NGLY1: variants seen among roughly 807,000 people sequenced by gnomAD.
NGLY1 encodes the protein peptide-N(4)-(N-acetyl-beta-glucosaminyl)asparagine amidase.
Under a neutral mutation model 84.6 loss-of-function variants are expected in NGLY1, and 68 were observed. The ratio of observed to expected loss-of-function variants is 0.80; its 90% confidence interval spans 0.66 to 0.98. NGLY1 has a LOEUF of 0.98. Among genes scored for constraint, NGLY1 ranks in the 50% least tolerant of loss-of-function variants. The pLI, the probability that NGLY1 is intolerant of heterozygous loss-of-function variation, is 0.00. For synonymous variants in NGLY1, 280 were observed against 275.2 expected, an observed-to-expected ratio of 1.02 and a Z score of -0.17; for missense variants, 779 against 770.2, an observed-to-expected ratio of 1.01 and a Z score of -0.14.
rs757885829 is a variant in NGLY1, at chr3:25,736,044, C to T, written c.1109G>A (p.Gly370Asp). The T allele has an allele frequency of 4.3e-6, 7 of 1,613,772 alleles. No individual in the cohort carries two copies. Among genetic ancestry groups the T allele is most frequent in the East Asian group, 2.2e-5 (1 of 44,878 alleles). Residue 370 changes from glycine to aspartate, a missense_variant, in exon 7 of 12, where the codon GGC (glycine) becomes GAC (aspartate). By Grantham distance (94) the Gly-to-Asp change is moderately conservative (BLOSUM62 -1). Transcript: ENST00000280700. ...TGCTATGACATAGGAAAGCTTCTTGCCCCATCCTATTTCATAAAGGAGTGG... is the reference window on the plus strand; with the variant it reads ...TGCTATGACATAGGAAAGCTTCTTGTCCCATCCTATTTCATAAAGGAGTGG... ...DKPLLYEIGWGKKLSYVIAFS... is the reference protein window; with the variant it reads ...DKPLLYEIGWDKKLSYVIAFS...
chr3:25,778,925 C>CTTTTTTTTTTT (rs565447910), intron 1 of NGLY1, among the ~76,000 whole-genome samples: 3 of 54,664 alleles, frequency 5.5e-5, no homozygotes, highest in African/African-American at 1.8e-4. Context: ...AAGATACATT[C>CTTTTTTTTTTT]TTTTTTTTTT....
chr3:25,720,472 C>G (rs1704928987), intron 10 of NGLY1, among the ~76,000 whole-genome samples: 1 of 152,132 alleles, frequency 6.6e-6, no homozygotes, highest in Non-Finnish European at 1.5e-5. Flanking sequence ...GGTAAATCAT[C>G]TTCTTTTATA....
Position 25,719,532 on chromosome 3 carries a change from C to G in NGLY1, c.1893G>C (p.Gln631His). 6.2e-7 allele frequency: 1 copy of G among 1,614,032 alleles called. No homozygotes were observed. Among genetic ancestry groups the G allele is most frequent in the South Asian group, 1.1e-5 (1 of 91,078 alleles). ...GDGDVAWQHT[Q>H]LFRQSLNDHE... Reference sequence around the variant, plus strand: ...GGTCATTTAAGCTTTGTCTAAACAGCTGGGTGTGTTGCCAAGCGACATCAC... The same window carrying G: ...GGTCATTTAAGCTTTGTCTAAACAGGTGGGTGTGTTGCCAAGCGACATCAC... Residue 631 changes from glutamine (Q) to histidine (H), a missense_variant, in exon 12 of 12, where the codon CAG becomes CAC. Coordinates refer to ENST00000280700, the MANE Select transcript of NGLY1 (RefSeq NM_018297.4).
At chr3:25,789,396 T>C (rs1023154583) in intron 1 of NGLY1, among the ~76,000 whole-genome samples, 10 of 152,140 alleles carry the variant, frequency 6.6e-5, no homozygotes, top group Admixed American at 6.5e-5. Context: ...AAAAACTTTA[T>C]TACAAAAACA....
At position 25,776,695 on chromosome 3, in the gene NGLY1, T is replaced by G. The variant is rs375947299; in HGVS notation, c.246+1879A>C. On this transcript the variant is annotated intron_variant, in intron 2 of 11. Coordinates refer to ENST00000280700, the MANE Select transcript of NGLY1 (RefSeq NM_018297.4). Reference sequence around the variant, plus strand: ...CTCAATTAATGATACTCCCATCCAATTAGTTGCTTAAACCAAAACATAGGT... The same window carrying G: ...CTCAATTAATGATACTCCCATCCAAGTAGTTGCTTAAACCAAAACATAGGT... 5.3e-5 allele frequency among the ~76,000 whole-genome samples: 8 copies of G among 152,282 alleles called. No homozygotes were observed. The East Asian group carries it at 1.5e-3, about 29-fold the overall frequency.
At chr3:25,721,600 T>A (rs1704991734) in intron 10 of NGLY1, among the ~76,000 whole-genome samples, 3 of 151,422 alleles carry the variant, frequency 2.0e-5, no homozygotes, top group African/African-American at 7.3e-5. Flanking sequence ...ATACAAAATA[T>A]TAGCTGGGCG....
chr3:25,786,385 G>A (rs1708602264), upstream of NGLY1, among the ~76,000 whole-genome samples: 1 of 150,742 alleles, frequency 6.6e-6, no homozygotes, highest in Non-Finnish European at 1.5e-5. Context: ...TAATAAAGGT[G>A]AAATCCTGGG....
At chr3:25,740,695 T>C (rs1235831547) in intron 4 of NGLY1, among the ~76,000 whole-genome samples, 1 of 152,016 alleles carries the variant, frequency 6.6e-6, no homozygotes, top group African/African-American at 2.4e-5. Flanking sequence ...AAAAAAAAAC[T>C]ACAGAGAATG....
chr3:25,772,143 A>G (rs1707926087), intron 2 of NGLY1, among the ~76,000 whole-genome samples: 1 of 152,148 alleles, frequency 6.6e-6, no homozygotes. Context: ...TTCCCTGTTC[A>G]GTGTACTGTT....
intron 10 of NGLY1, among the ~76,000 whole-genome samples, chr3:25,723,001 T>G (rs1485947655): frequency 3.9e-5 from 6 of 152,204 alleles, no homozygotes; most frequent in Non-Finnish European, 7.3e-5. Flanking sequence ...CATTAACAGA[T>G]ATACTCAAAT....
At chr3:25,750,971 A>G in intron 4 of NGLY1, 127 bp downstream of exon 4, 4 of 889,268 alleles carry the variant, frequency 4.5e-6, no homozygotes, top group Non-Finnish European at 1.6e-6. Context: ...GGTTTAAAAG[A>G]ATCCACATAT....
At chr3:25,763,040 A>C (rs1220295699) in intron 3 of NGLY1, among the ~76,000 whole-genome samples, 1 of 152,040 alleles carries the variant, frequency 6.6e-6, no homozygotes, top group African/African-American at 2.4e-5. Flanking sequence ...CACGAGAATC[A>C]CTTCAACCTG....
chr3:25,755,181 C>A, intron 3 of NGLY1: 2 of 1,285,232 alleles, frequency 1.6e-6, no homozygotes, highest in Non-Finnish European at 2.3e-6. Flanking sequence ...ACCTCTCTTC[C>A]CCCAAGAGGT....
intron 4 of NGLY1, among the ~76,000 whole-genome samples, chr3:25,747,569 C>T (rs1324993271): frequency 6.6e-6 from 1 of 152,128 alleles, no homozygotes; most frequent in African/African-American, 2.4e-5. Context: ...AAGGAAGAGA[C>T]ACATATAGTT....
intron 1 of NGLY1, among the ~76,000 whole-genome samples, chr3:25,781,098 T>C (rs1708395041): frequency 6.6e-6 from 1 of 151,952 alleles, no homozygotes; most frequent in Non-Finnish European, 1.5e-5. Flanking sequence ...TACAGGTGTC[T>C]GCCACCACGC....
chr3:25,739,640 C>T lies in NGLY1; in HGVS notation c.818G>A (p.Trp273Ter), dbSNP rs202027326. The T allele has an allele frequency of 6.2e-7, 1 of 1,614,122 alleles. No homozygotes were observed. ...ATGATCTTCCACTTCCTTTGCACCC[C>T]ACTTCAGCTCATCATCACTGGGCAG... ...SLLPSDDELK[W>*]GAKEVEDHYC... The change falls in exon 5 of 12, where the codon TGG becomes TAG. Residue 273 changes from tryptophan to a stop codon, truncating the protein, a stop_gained. Transcript: ENST00000280700. LOFTEE classifies it high-confidence loss of function.
chr3:25,770,009 T>G (rs984634441), intron 2 of NGLY1, among the ~76,000 whole-genome samples: 10 of 152,190 alleles, frequency 6.6e-5, no homozygotes, highest in African/African-American at 2.4e-4. Context: ...ATAGCTTAGC[T>G]CCCACTTATA....
intron 2 of NGLY1, among the ~76,000 whole-genome samples, chr3:25,770,661 G>T (rs139767502): frequency 1.3e-5 from 2 of 152,090 alleles, no homozygotes; most frequent in African/African-American, 4.8e-5. Context: ...TTCCATAGGG[G>T]TCATACTAGT....
At chr3:25,787,065 C>G (rs907893515), upstream of NGLY1, among the ~76,000 whole-genome samples, 1 of 152,170 alleles carries the variant, frequency 6.6e-6, no homozygotes, top group South Asian at 2.1e-4. Flanking sequence ...TTCTGAAGCT[C>G]CACATTTAAA....
Sources: allele counts gnomAD v4.1 joint callset (sites outside exome capture counted in the v4.1 genomes callset), GRCh38; gene constraint gnomAD v4.1.1; transcripts MANE v1.5; gene names NCBI Gene and HGNC (gene_info 2026-07-23, HGNC 2026-07-21).